The following RLIG1 variants were observed in gnomAD, a reference collection of about 807,000 sequenced individuals.
RLIG1 encodes the protein RNA ligase 1.
chr12:88,036,708 A>T, the RLIG1 span, among the ~76,000 whole-genome samples: 1 of 152,184 alleles, frequency 6.6e-6, no homozygotes, highest in Non-Finnish European at 1.5e-5. Context: ...CAGCTGTTAC[A>T]GTTAATATTT....
the RLIG1 span, chr12:88,040,039 G>C: frequency 1.4e-6 from 1 of 704,548 alleles, no homozygotes; most frequent in South Asian, 1.6e-5. Flanking sequence ...AGATGAACTG[G>C]AGATCATTCC....
the RLIG1 span, chr12:88,048,715 T>C: frequency 4.5e-6 from 1 of 222,170 alleles, no homozygotes; most frequent in African/African-American, 2.3e-5. Context: ...TTAATGTCAC[T>C]AATTTTCAAA....
the RLIG1 span, among the ~76,000 whole-genome samples, chr12:88,048,079 G>A: frequency 2.6e-5 from 4 of 151,628 alleles, no homozygotes; most frequent in Non-Finnish European, 4.4e-5. Context: ...AAACAAATAT[G>A]TAATATGTCA....
chr12:88,038,137 A>T, the RLIG1 span, among the ~76,000 whole-genome samples: 1 of 152,188 alleles, frequency 6.6e-6, no homozygotes, highest in Non-Finnish European at 1.5e-5. Context: ...TTGAGTACTC[A>T]TGGTGCAAAG....
the RLIG1 span, chr12:88,048,471 A>G: frequency 3.2e-6 from 3 of 934,100 alleles, no homozygotes; most frequent in East Asian, 3.1e-5. Flanking sequence ...TGAATATTCT[A>G]CCATATTTAA....
At chr12:88,048,500 G>GTTCA in the RLIG1 span, 1 of 825,804 alleles carries the variant, frequency 1.2e-6, no homozygotes, top group Non-Finnish European at 1.7e-6. Flanking sequence ...CAAGGTTTCT[G>GTTCA]TTCATTATGA....
the RLIG1 span, among the ~76,000 whole-genome samples, chr12:88,039,682 T>G: frequency 6.6e-6 from 1 of 152,146 alleles, no homozygotes; most frequent in African/African-American, 2.4e-5. Context: ...TACCCATTTG[T>G]TTTTAGCACT....
chr12:88,036,387 CCA>C, the RLIG1 span, among the ~76,000 whole-genome samples: 2 of 152,124 alleles, frequency 1.3e-5, no homozygotes, highest in African/African-American at 4.8e-5. Flanking sequence ...AGTAGAATCC[CCA>C]GTGATTAGTT....
chr12:88,035,605 G>T, the RLIG1 span: 1 of 1,558,544 alleles, frequency 6.4e-7, no homozygotes, highest in African/African-American at 1.4e-5. Context: ...ACCGGGCGCC[G>T]CTCGAAAGCA....
chr12:88,043,978 A>C, the RLIG1 span: 1 of 421,408 alleles, frequency 2.4e-6, no homozygotes, highest in Non-Finnish European at 4.2e-6. Context: ...GCGTCAAAAG[A>C]GAATAGCCTT....
chr12:88,045,240 TGAGAGAAGGCA>T, the RLIG1 span: 5 of 199,646 alleles, frequency 2.5e-5, no homozygotes, highest in East Asian at 5.5e-4. Context: ...CCCTGAAGCT[TGAGAGAAGGCA>T]GAGAGAAAAC....
chr12:88,047,069 CA>C, the RLIG1 span: 4 of 1,248,668 alleles, frequency 3.2e-6, no homozygotes, highest in Non-Finnish European at 4.4e-6. Context: ...CAAATGGCAG[CA>C]ATTCTTATTT....
the RLIG1 span, among the ~76,000 whole-genome samples, chr12:88,037,926 CCTT>C: frequency 7.2e-5 from 11 of 151,908 alleles, no homozygotes; most frequent in Middle Eastern, 3.2e-3. Flanking sequence ...TCCTTGGTGC[CCTT>C]CTTCTTCCTG....
At chr12:88,036,061 A>G in the RLIG1 span, 2 of 1,405,724 alleles carry the variant, frequency 1.4e-6, no homozygotes, top group Non-Finnish European at 1.9e-6. Context: ...TTTTGGGGAA[A>G]CCCCCTAATC....
the RLIG1 span, chr12:88,036,168 G>A: frequency 1.9e-6 from 2 of 1,059,970 alleles, no homozygotes; most frequent in Non-Finnish European, 2.5e-6. Flanking sequence ...GTCCGAACCA[G>A]TGGCGGTGTT....
chr12:88,049,356 T>A, the RLIG1 span: 2 of 1,574,344 alleles, frequency 1.3e-6, no homozygotes, highest in Middle Eastern at 1.9e-4. Context: ...ATCTTCAATT[T>A]CTTCAAAAAA....
chr12:88,038,505 G>T, the RLIG1 span, among the ~76,000 whole-genome samples: 1 of 152,132 alleles, frequency 6.6e-6, no homozygotes, highest in African/African-American at 2.4e-5. Flanking sequence ...AGAGTCAAGA[G>T]ATTTGTTTTA....
chr12:88,049,194 G>C, the RLIG1 span: 9 of 1,584,614 alleles, frequency 5.7e-6, no homozygotes, highest in Non-Finnish European at 7.7e-6. Context: ...TTAGTAAATG[G>C]GGAAATTAAC....
chr12:88,035,591 C>G, the RLIG1 span: 1 of 1,533,240 alleles, frequency 6.5e-7, no homozygotes, highest in Non-Finnish European at 8.9e-7. Context: ...TTCTCCGCGA[C>G]TGGACCGGGC....
Sources: gnomAD v4.1 joint callset for allele counts (sites outside exome capture counted in the v4.1 genomes callset) on GRCh38, gnomAD v4.1.1 for gene constraint, MANE v1.5 for transcripts, NCBI Gene and HGNC (gene_info 2026-07-23, HGNC 2026-07-21) for gene names.